The following IMMP2L variants were observed in gnomAD, a reference collection of about 807,000 sequenced individuals.
IMMP2L encodes mitochondrial inner membrane protease subunit 2.
Under a neutral mutation model 19.3 loss-of-function variants are expected in IMMP2L, and 18 were observed. That is an observed-to-expected ratio of 0.93 (90% CI 0.64 to 1.38). The LOEUF is 1.38. IMMP2L is among the 40% of genes most tolerant of loss of function. IMMP2L has a pLI of 0.00. For synonymous variants in IMMP2L, 76 were observed against 73.0 expected (o/e 1.04, Z -0.21); for missense variants, 233 against 218.2 (o/e 1.07, Z -0.43).
intron 3 of IMMP2L, among the ~76,000 whole-genome samples, chr7:111,332,606 A>T (rs905792272): frequency 6.6e-6 from 1 of 152,116 alleles, no homozygotes; most frequent in African/African-American, 2.4e-5. Context: ...TACTTAGAAC[A>T]AGGCAGATCA....
chr7:111,276,173 T>G (rs557300701), intron 3 of IMMP2L, among the ~76,000 whole-genome samples: 2 of 152,228 alleles, frequency 1.3e-5, no homozygotes, highest in Non-Finnish European at 2.9e-5. Context: ...TGAATTTTAC[T>G]GAAGGAAATT....
chr7:111,447,851 G>A (rs528844254), intron 3 of IMMP2L, among the ~76,000 whole-genome samples: 177 of 151,640 alleles, frequency 1.2e-3, no homozygotes, highest in Non-Finnish European at 4.1e-4. Context: ...CAAAATAAAA[G>A]GATGGAAGAA....
intron 1 of IMMP2L, among the ~76,000 whole-genome samples, chr7:111,522,331 A>G (rs113556075): frequency 3.3e-5 from 5 of 152,218 alleles, no homozygotes; most frequent in East Asian, 1.9e-4. Context: ...ATCAAGCTAA[A>G]AAGTTTCTGT....
chr7:111,393,095 G>A (rs1369031084), intron 3 of IMMP2L, among the ~76,000 whole-genome samples: 5 of 151,762 alleles, frequency 3.3e-5, no homozygotes, highest in Admixed American at 2.0e-4. Context: ...GAGATTAAAA[G>A]TCCCAAGCTG....
intron 3 of IMMP2L, among the ~76,000 whole-genome samples, chr7:111,016,551 GT>G (rs1409471919): frequency 1.8e-5 from 2 of 111,148 alleles, no homozygotes; most frequent in African/African-American, 3.7e-5. Context: ...ATAATATATA[GT>G]ATATATAATA....
intron 3 of IMMP2L, among the ~76,000 whole-genome samples, chr7:111,021,558 A>C (rs144784777): frequency 0.032 from 4,919 of 152,308 alleles, 104 homozygotes; most frequent in Non-Finnish European, 0.048. Context: ...AGCAGGCAAG[A>C]GAGCTTGTGC....
At chr7:111,289,062 T>C (rs1820803007) in intron 3 of IMMP2L, among the ~76,000 whole-genome samples, 1 of 152,052 alleles carries the variant, frequency 6.6e-6, no homozygotes, top group Non-Finnish European at 1.5e-5. Context: ...ATGTGGCACA[T>C]ATACACCATG....
At chr7:110,669,279 A>G (rs1791724317) in intron 5 of IMMP2L, among the ~76,000 whole-genome samples, 1 of 152,120 alleles carries the variant, frequency 6.6e-6, no homozygotes, top group South Asian at 2.1e-4. Flanking sequence ...TGAACCAGGA[A>G]GAGTCAATGT....
intron 3 of IMMP2L, among the ~76,000 whole-genome samples, chr7:111,004,062 C>T (rs932199431): frequency 1.6e-4 from 24 of 152,114 alleles, no homozygotes; most frequent in African/African-American, 5.8e-4. Context: ...TGATGCATCC[C>T]AATATAGCTC....
intron 1 of IMMP2L, among the ~76,000 whole-genome samples, chr7:111,555,667 CTT>C: frequency 6.6e-6 from 1 of 152,078 alleles, no homozygotes; most frequent in South Asian, 2.1e-4. Flanking sequence ...CTGCATTTGG[CTT>C]ACTTCACTTA....
intron 5 of IMMP2L, among the ~76,000 whole-genome samples, chr7:110,749,924 G>A (rs1797620763): frequency 6.6e-6 from 1 of 151,990 alleles, no homozygotes; most frequent in Non-Finnish European, 1.5e-5. Context: ...TTGCCATTAT[G>A]TTAAACTTCA....
chr7:111,492,609 T>C (rs1461731592), intron 2 of IMMP2L, among the ~76,000 whole-genome samples: 1 of 152,208 alleles, frequency 6.6e-6, no homozygotes, highest in Non-Finnish European at 1.5e-5. Flanking sequence ...AAATCCCCAC[T>C]GACCCAAATT....
rs1271457252 is a variant in IMMP2L at position 111,320,866 on chromosome 7, CA to C, written c.239+166371del. 7.2e-5 allele frequency among the ~76,000 whole-genome samples: 11 copies of C among 152,106 alleles called. No homozygotes were observed. The South Asian group carries it at 1.5e-3, about 20-fold the overall frequency. ...ACTGTTTACTTTGTTCTTCCTCCCCCAATCACTGATTATTAGATCCTTAAAG... is the reference window on the plus strand; with the variant it reads ...ACTGTTTACTTTGTTCTTCCTCCCCCATCACTGATTATTAGATCCTTAAAG... On this transcript the variant is annotated intron_variant, in intron 3 of 5. Coordinates refer to ENST00000405709, the MANE Select transcript of IMMP2L (RefSeq NM_032549.4).
At chr7:110,964,300 T>C (rs888468836) in intron 3 of IMMP2L, among the ~76,000 whole-genome samples, 3 of 152,028 alleles carry the variant, frequency 2.0e-5, no homozygotes, top group African/African-American at 4.8e-5. Flanking sequence ...TTCTTTAAAA[T>C]GATAACATAC....
intron 5 of IMMP2L, among the ~76,000 whole-genome samples, chr7:110,817,476 T>C (rs1182109168): frequency 6.6e-6 from 1 of 152,096 alleles, no homozygotes; most frequent in Non-Finnish European, 1.5e-5. Context: ...TACAAACACA[T>C]GGAAGAACAT....
chr7:110,887,604 AAT>A (rs889047005), intron 4 of IMMP2L, among the ~76,000 whole-genome samples: 22 of 151,054 alleles, frequency 1.5e-4, no homozygotes, highest in East Asian at 1.2e-3. Flanking sequence ...AAAAAAAAAA[AAT>A]AATTTACCTA....
At chr7:110,940,365 C>A (rs1373278318) in intron 4 of IMMP2L, among the ~76,000 whole-genome samples, 1 of 150,780 alleles carries the variant, frequency 6.6e-6, no homozygotes, top group Non-Finnish European at 1.5e-5. Flanking sequence ...ACAACATAGA[C>A]AAATAAAAAC....
At chr7:110,880,163 C>T (rs1015830748) in intron 5 of IMMP2L, among the ~76,000 whole-genome samples, 2 of 151,910 alleles carry the variant, frequency 1.3e-5, no homozygotes, top group African/African-American at 4.8e-5. Flanking sequence ...TCTTAATATA[C>T]CAAAAACTCA....
chr7:110,720,521 G>A (rs1010083501), intron 5 of IMMP2L, among the ~76,000 whole-genome samples: 1 of 152,148 alleles, frequency 6.6e-6, no homozygotes, highest in African/African-American at 2.4e-5. Flanking sequence ...AAACGGCTAT[G>A]TCAGTATTAT....
Sources: gnomAD v4.1 joint callset for allele counts (sites outside exome capture counted in the v4.1 genomes callset) on GRCh38, gnomAD v4.1.1 for gene constraint, MANE v1.5 for transcripts, NCBI Gene and HGNC (gene_info 2026-07-23, HGNC 2026-07-21) for gene names.